The following TASP1 variants were observed in gnomAD, a reference collection of about 807,000 sequenced individuals.
TASP1 encodes the protein taspase 1, also known as threonine aspartase 1.
In TASP1, 16 loss-of-function variants were observed where a neutral mutation model predicts 56.6. That is an observed-to-expected ratio of 0.28 (90% CI 0.19 to 0.43). TASP1 has a LOEUF of 0.43. Among genes scored for constraint, TASP1 ranks in the 20% least tolerant of loss-of-function variants. The probability of loss-of-function intolerance (pLI) is 1.00; values close to 1 mark genes in which losing one functional copy is unlikely to be tolerated. For missense variants in TASP1, 393 were observed against 511.6 expected (o/e 0.77, Z 2.24); for synonymous variants, 179 against 184.2 (o/e 0.97, Z 0.23).
chr20:13,315,042 T>A, the TASP1 span, among the ~76,000 whole-genome samples: 1 of 152,004 alleles, frequency 6.6e-6, no homozygotes, highest in African/African-American at 2.4e-5. Context: ...GAAGTATAAC[T>A]AATATGCTAA....
intron 6 of TASP1, among the ~76,000 whole-genome samples, chr20:13,573,573 A>G (rs1380894148): frequency 6.6e-6 from 1 of 152,194 alleles, no homozygotes; most frequent in Non-Finnish European, 1.5e-5. Context: ...CAAATTTATC[A>G]TGTTTTTACT....
chr20:13,376,539 GA>G, the TASP1 span, among the ~76,000 whole-genome samples: 1 of 152,142 alleles, frequency 6.6e-6, no homozygotes, highest in South Asian at 2.1e-4. Flanking sequence ...TTTTGCTTAT[GA>G]TTGTCTTGGC....
chr20:13,318,978 C>T, the TASP1 span, among the ~76,000 whole-genome samples: 1 of 152,164 alleles, frequency 6.6e-6, no homozygotes, highest in Non-Finnish European at 1.5e-5. Flanking sequence ...TGTCCAAACT[C>T]ATATAACTGT....
At chr20:13,174,174 G>A in the TASP1 span, among the ~76,000 whole-genome samples, 1 of 152,106 alleles carries the variant, frequency 6.6e-6, no homozygotes, top group Non-Finnish European at 1.5e-5. Context: ...GTAGAAGTAC[G>A]AATTTACAGG....
chr20:13,628,722 CCAGA>C (rs1380383226), intron 2 of TASP1, among the ~76,000 whole-genome samples: 5 of 152,042 alleles, frequency 3.3e-5, no homozygotes, highest in Non-Finnish European at 5.9e-5. Flanking sequence ...AAAAGGAAAC[CCAGA>C]CATTCTTTCT....
At chr20:13,298,809 A>C in the TASP1 span, 34 of 807,546 alleles carry the variant, frequency 4.2e-5, no homozygotes, top group East Asian at 8.8e-4. Flanking sequence ...GGAGTTGTTG[A>C]CTTCAGGGAG....
the TASP1 span, among the ~76,000 whole-genome samples, chr20:13,295,528 C>T: frequency 6.6e-6 from 1 of 152,178 alleles, no homozygotes; most frequent in Non-Finnish European, 1.5e-5. Flanking sequence ...CTTCCCTTGT[C>T]CTTCCCCCAT....
At chr20:13,255,291 T>C in the TASP1 span, among the ~76,000 whole-genome samples, 1 of 152,176 alleles carries the variant, frequency 6.6e-6, no homozygotes, top group Non-Finnish European at 1.5e-5. Flanking sequence ...AATGCTCTTT[T>C]TGTTGTTAGC....
chr20:13,503,475 G>T (rs1194525853), intron 10 of TASP1, among the ~76,000 whole-genome samples: 1 of 152,168 alleles, frequency 6.6e-6, no homozygotes, highest in Non-Finnish European at 1.5e-5. Context: ...TGGTGAAGGT[G>T]TTTCTCTCTT....
At chr20:13,500,257 A>ATG (rs757522365) in intron 10 of TASP1, among the ~76,000 whole-genome samples, 27 of 132,056 alleles carry the variant, frequency 2.0e-4, no homozygotes, top group South Asian at 4.9e-4. Flanking sequence ...GTGTCTGTGT[A>ATG]TGTGTGTATA....
At chr20:13,503,553 A>G (rs1291405107) in intron 10 of TASP1, among the ~76,000 whole-genome samples, 1 of 152,186 alleles carries the variant, frequency 6.6e-6, no homozygotes, top group Non-Finnish European at 1.5e-5. Flanking sequence ...CAACATGTCA[A>G]AGAACAAAAA....
the TASP1 span, among the ~76,000 whole-genome samples, chr20:13,245,966 G>A: frequency 6.6e-6 from 1 of 152,226 alleles, no homozygotes; most frequent in Middle Eastern, 3.4e-3. Context: ...TTCTGGACAG[G>A]CCACAAAAGC....
At chr20:13,374,646 C>A in the TASP1 span, among the ~76,000 whole-genome samples, 1 of 152,148 alleles carries the variant, frequency 6.6e-6, no homozygotes, top group African/African-American at 2.4e-5. Context: ...CCACACCTGG[C>A]CTCTTTCGTA....
intron 5 of TASP1, among the ~76,000 whole-genome samples, chr20:13,585,993 G>A (rs1246792246): frequency 1.3e-5 from 2 of 151,798 alleles, no homozygotes; most frequent in Non-Finnish European, 2.9e-5. Flanking sequence ...AAATTAGCCA[G>A]GCACTGTGGT....
At chr20:13,192,366 A>C in the TASP1 span, among the ~76,000 whole-genome samples, 1 of 152,134 alleles carries the variant, frequency 6.6e-6, no homozygotes, top group African/African-American at 2.4e-5. Flanking sequence ...GTAAGACCCC[A>C]TGTCAAAAGT....
At chr20:13,473,760 C>T (rs969411020) in intron 11 of TASP1, among the ~76,000 whole-genome samples, 1 of 152,164 alleles carries the variant, frequency 6.6e-6, no homozygotes, top group Non-Finnish European at 1.5e-5. Context: ...TCAGCCCTTT[C>T]CTACTTCACC....
At chr20:13,578,205 CT>C (rs111836563) in intron 6 of TASP1, among the ~76,000 whole-genome samples, 263 of 144,954 alleles carry the variant, frequency 1.8e-3, no homozygotes, top group Non-Finnish European at 1.8e-3. Context: ...AAAATATCAT[CT>C]TTTTTTTTTT....
At chr20:13,423,419 T>C (rs6109874) in intron 12 of TASP1, among the ~76,000 whole-genome samples, 2,612 of 152,320 alleles carry the variant, frequency 0.017, 79 homozygotes, top group African/African-American at 0.058. Flanking sequence ...AGTCTACTTA[T>C]TGCTTTTTAA....
the TASP1 span, among the ~76,000 whole-genome samples, chr20:13,373,123 T>G: frequency 6.6e-6 from 1 of 152,056 alleles, no homozygotes; most frequent in East Asian, 1.9e-4. Context: ...TTTGTTCCCA[T>G]GTGTTCAAGT....
Sources: allele counts gnomAD v4.1 joint callset (sites outside exome capture counted in the v4.1 genomes callset), GRCh38; gene constraint gnomAD v4.1.1; transcripts MANE v1.5; gene names NCBI Gene and HGNC (gene_info 2026-07-23, HGNC 2026-07-21).